Variants in PPP2R2D observed in about 807,000 individuals in gnomAD.
PPP2R2D encodes the protein protein phosphatase 2 regulatory subunit Bdelta.
PPP2R2D carries 9 observed loss-of-function variants against 31.1 expected under a neutral mutation model. That is an observed-to-expected ratio of 0.29 (90% CI 0.17 to 0.51). PPP2R2D has a LOEUF of 0.51. Ranked by LOEUF, PPP2R2D falls within the 20% of genes least tolerant of loss-of-function variation. The pLI is 0.98. For missense variants in PPP2R2D, 391 were observed against 465.6 expected (o/e 0.84, Z 1.48); for synonymous variants, 179 against 172.6 (o/e 1.04, Z -0.29).
chr10:131,910,705 C>T (rs907652399), intron 2 of PPP2R2D, among the ~76,000 whole-genome samples: 3 of 152,188 alleles, frequency 2.0e-5, no homozygotes, highest in Non-Finnish European at 2.9e-5. Context: ...GTGATGTCTT[C>T]GTAATGCGTT....
At chr10:131,911,228 T>A (rs1308813639) in intron 2 of PPP2R2D, among the ~76,000 whole-genome samples, 3 of 152,174 alleles carry the variant, frequency 2.0e-5, no homozygotes, top group Non-Finnish European at 4.4e-5. Context: ...CAAGATTTAA[T>A]GGAATCAGGA....
chr10:131,918,361 A>G (rs1304382579), intron 2 of PPP2R2D, among the ~76,000 whole-genome samples: 3 of 146,572 alleles, frequency 2.0e-5, no homozygotes, highest in African/African-American at 7.7e-5. Flanking sequence ...GGGTGGAATG[A>G]CACAGTGTTT....
Position 131,955,764 on chromosome 10 carries a change from C to CGA in PPP2R2D, c.1171_1172dup (p.Ser391ArgfsTer77). On this transcript the variant is annotated frameshift_variant, in exon 9 of 9. Coordinates refer to ENST00000455566, the MANE Select transcript of PPP2R2D (RefSeq NM_018461.5). LOFTEE classifies it high-confidence loss of function. ...CGGAGGGATGTGACCCTGGAGGCCT[C>CGA]GAGAGAGAGCAGCAAACCGCGCGCC... 1 of 1,581,614 alleles carries CGA rather than the reference C, an allele frequency of 6.3e-7. No individual in the cohort carries two copies.
downstream of PPP2R2D, among the ~76,000 whole-genome samples, chr10:131,963,038 G>A (rs1365456405): frequency 6.6e-6 from 1 of 152,134 alleles, no homozygotes; most frequent in Non-Finnish European, 1.5e-5. Flanking sequence ...GGTGGCGGAC[G>A]CTTGTAATCC....
rs1201350859 is a variant in PPP2R2D, at chr10:131,958,349, C to T, written c.*2386C>T. On this transcript the variant is annotated 3_prime_UTR_variant, in exon 9 of 9. Coordinates refer to ENST00000455566, the MANE Select transcript of PPP2R2D (RefSeq NM_018461.5). ...TGTGGAGATGAAGGGGTGTGCTGATCCCCCGTCTTCCTGTGGAGATGAAGG... is the reference window on the plus strand; with the variant it reads ...TGTGGAGATGAAGGGGTGTGCTGATTCCCCGTCTTCCTGTGGAGATGAAGG... 2 of 184,904 alleles carry T rather than the reference C, an allele frequency of 1.1e-5. No individual in the cohort carries two copies. Among genetic ancestry groups the T allele is most frequent in the Non-Finnish European group, 2.2e-5 (2 of 92,436 alleles). The allele number at this position is 184,904 out of a possible 1,614,324, so 11.5% of individuals were successfully genotyped here.
rs1446392986 is a variant in PPP2R2D, at chr10:131,947,162, TC to T, written c.821-366del. Among the ~76,000 whole-genome samples the T allele has an allele frequency of 6.6e-6, 1 of 152,178 alleles. No homozygotes were observed. The highest frequency in any genetic ancestry group is 1.5e-5 in the Non-Finnish European group (1 of 68,032). ...TGGTGCCATGAGGACGCGGAGACAC[TC>T]CTACAGGAATGCGGTGGTGCTGAAC... On this transcript the variant is annotated intron_variant, in intron 7 of 8. Coordinates refer to ENST00000455566, the MANE Select transcript of PPP2R2D (RefSeq NM_018461.5). The surrounding 1 kb of genome is among the most constrained non-coding windows in gnomAD (Gnocchi z 4.3).
At chr10:131,961,085 G>C (rs2036913841), downstream of PPP2R2D, among the ~76,000 whole-genome samples, 1 of 152,170 alleles carries the variant, frequency 6.6e-6, no homozygotes, top group Admixed American at 6.5e-5. Context: ...AGCCACAGGT[G>C]GGGAGACAAT....
Position 131,945,404 on chromosome 10 carries a change from G to A in PPP2R2D, c.765G>A (p.Gly255=), listed in dbSNP as rs781825185. The A allele has an allele frequency of 1.9e-6, 3 of 1,614,172 alleles. No homozygotes were observed. The highest frequency in any genetic ancestry group is 2.2e-5 in the East Asian group (1 of 44,884). Residue 255 remains glycine, a synonymous_variant, in exon 7 of 9, where the codon GGG becomes GGA. Coordinates refer to ENST00000455566, the MANE Select transcript of PPP2R2D (RefSeq NM_018461.5). The surrounding 1 kb of genome is among the most constrained non-coding windows in gnomAD (Gnocchi z 4.8). ...TGTTCGTCTACAGCAGTAGCAAAGG[G>A]ACCATCCGCCTGTGTGACATGCGCT... is the stretch of plus-strand genomic sequence containing the variant. ...CNVFVYSSSK[G]TIRLCDMRSS... is the part of the protein sequence containing the mutation.
chr10:131,965,289 C>T, the PPP2R2D span, among the ~76,000 whole-genome samples: 1 of 152,162 alleles, frequency 6.6e-6, no homozygotes, highest in Non-Finnish European at 1.5e-5. Flanking sequence ...AGAGCATGCA[C>T]CCGCAGAGAC....
rs1330799370 is a variant in PPP2R2D at position 131,947,985 on chromosome 10, G to C, written c.1082+194G>C. 1.3e-5 allele frequency among the ~76,000 whole-genome samples: 2 copies of C among 152,376 alleles called. No homozygotes were observed. The highest frequency in any genetic ancestry group is 2.1e-4 in the South Asian group (1 of 4,826). On this transcript the variant is annotated intron_variant, in intron 8 of 8. Transcript: ENST00000455566. This position sits in a 1 kb window ranked among gnomAD's most constrained non-coding sequence, Gnocchi z 4.3. ...GATCTCTGAGCAAGTTTCTCACCTAGCTTGTCATTCCATTTATATTTAGAC... is the reference window on the plus strand; with the variant it reads ...GATCTCTGAGCAAGTTTCTCACCTACCTTGTCATTCCATTTATATTTAGAC...
At chr10:131,938,257 C>T (rs1210737392) in intron 3 of PPP2R2D, among the ~76,000 whole-genome samples, 2 of 152,198 alleles carry the variant, frequency 1.3e-5, no homozygotes, top group Admixed American at 1.3e-4. Flanking sequence ...CTTGAAAGTT[C>T]GTTTAGTTCC....
rs181113365 is a variant in PPP2R2D, at chr10:131,934,267, C to T, written c.101-191C>T. On this transcript the variant is annotated intron_variant, in intron 2 of 8. Coordinates refer to ENST00000455566, the MANE Select transcript of PPP2R2D (RefSeq NM_018461.5). ...GTAAAACTCGCCCATTCACCTGTGC[C>T]GGCAGGTTCTCTGCACCAGAACCAA... Among the ~76,000 whole-genome samples the T allele has an allele frequency of 2.6e-3, 402 of 152,146 alleles. 5 individuals are homozygous for T. Among genetic ancestry groups the T allele is most frequent in the African/African-American group, 9.1e-3 (378 of 41,488 alleles).
At chr10:131,926,717 T>C (rs1554894976) in intron 2 of PPP2R2D, among the ~76,000 whole-genome samples, 2 of 152,220 alleles carry the variant, frequency 1.3e-5, no homozygotes, top group African/African-American at 4.8e-5. Context: ...CCAAAAACTC[T>C]CTGGCTGGAT....
chr10:131,960,730 T>C (rs1306207735), downstream of PPP2R2D, among the ~76,000 whole-genome samples: 7 of 152,170 alleles, frequency 4.6e-5, no homozygotes, highest in African/African-American at 1.7e-4. Context: ...CTGCGGAGGC[T>C]CTCCGGGTGG....
chr10:131,932,680 A>T (rs1450121854), intron 2 of PPP2R2D, among the ~76,000 whole-genome samples: 4 of 150,308 alleles, frequency 2.7e-5, no homozygotes, highest in Non-Finnish European at 5.9e-5. Context: ...ACACAAAAAA[A>T]ACCTAACTTG....
chr10:131,947,289 C>T lies in PPP2R2D; in HGVS notation c.821-241C>T, dbSNP rs1554898099. 6.6e-6 allele frequency among the ~76,000 whole-genome samples: 1 copy of T among 152,194 alleles called. No homozygotes were observed. The highest frequency in any genetic ancestry group is 2.4e-5 in the African/African-American group (1 of 41,450). On this transcript the variant is annotated intron_variant, in intron 7 of 8. Coordinates refer to ENST00000455566, the MANE Select transcript of PPP2R2D (RefSeq NM_018461.5). The surrounding 1 kb of genome is among the most constrained non-coding windows in gnomAD (Gnocchi z 4.3). Reference sequence around the variant, plus strand: ...CAGGGTCCGGGTGAGACTTGGGCGTCTACGCTTCTCATGCCCATCCCTTGT... The same window carrying T: ...CAGGGTCCGGGTGAGACTTGGGCGTTTACGCTTCTCATGCCCATCCCTTGT...
downstream of PPP2R2D, among the ~76,000 whole-genome samples, chr10:131,962,817 C>A (rs1382398480): frequency 6.6e-6 from 1 of 152,186 alleles, no homozygotes; most frequent in African/African-American, 2.4e-5. Context: ...GCTGCACTTC[C>A]GCCGATCAGA....
chr10:131,923,182 A>T (rs548308258), intron 2 of PPP2R2D, among the ~76,000 whole-genome samples: 1 of 152,028 alleles, frequency 6.6e-6, no homozygotes, highest in Non-Finnish European at 1.5e-5. Context: ...ACCACTGATT[A>T]CTTTGTTTCT....
At chr10:131,929,719 C>T (rs901761724) in intron 2 of PPP2R2D, among the ~76,000 whole-genome samples, 6 of 152,150 alleles carry the variant, frequency 3.9e-5, no homozygotes, top group South Asian at 2.1e-4. Flanking sequence ...CCGCCACCAC[C>T]GGCAGCTGAC....
Sources: allele counts gnomAD v4.1 joint callset (sites outside exome capture counted in the v4.1 genomes callset), GRCh38; gene constraint gnomAD v4.1.1; non-coding constraint Gnocchi (gnomAD v3.1); transcripts MANE v1.5; gene names NCBI Gene and HGNC (gene_info 2026-07-23, HGNC 2026-07-21).